The following UMOD variants were observed in gnomAD, a reference collection of about 807,000 sequenced individuals.
The protein encoded by UMOD is Tamm-Horsfall urinary glycoprotein.
Under a neutral mutation model 66.0 loss-of-function variants are expected in UMOD, and 64 were observed. The observed-to-expected ratio is 0.97, with a 90% CI of 0.79 to 1.19. The LOEUF is 1.19. UMOD is among the 50% of genes most tolerant of loss of function. UMOD has a pLI of 0.00. For synonymous variants in UMOD, 398 were observed against 352.7 expected (o/e 1.13, Z -1.44); for missense variants, 764 against 850.9 (o/e 0.90, Z 1.27).
upstream of UMOD, among the ~76,000 whole-genome samples, chr16:20,353,796 G>T (rs1008249650): frequency 2.6e-5 from 4 of 151,826 alleles, no homozygotes; most frequent in African/African-American, 7.3e-5. Flanking sequence ...TAGGGTACAA[G>T]TGCACAACGT....
At chr16:20,333,843 G>A (rs1377516376) in intron 10 of UMOD, among the ~76,000 whole-genome samples, 1 of 152,098 alleles carries the variant, frequency 6.6e-6, no homozygotes, top group Non-Finnish European at 1.5e-5. Flanking sequence ...AGACCAGCCT[G>A]GCCACACGGA....
chr16:20,347,428 T>A (rs1245693012), intron 4 of UMOD, among the ~76,000 whole-genome samples: 1 of 152,238 alleles, frequency 6.6e-6, no homozygotes, highest in East Asian at 1.9e-4. Context: ...ATTGAAGTAT[T>A]TTTCTAATTT....
rs772943401 is a variant in UMOD, at chr16:20,348,740, G to A, written c.561C>T (p.Thr187=). 88 of 1,544,726 alleles carry A rather than the reference G, an allele frequency of 5.7e-5. 3 individuals carry two copies. The South Asian group carries it at 9.2e-4, about 16-fold the overall frequency. The change falls in exon 3 of 11, where the codon ACC becomes ACT. Residue 187 remains threonine, a synonymous_variant. Transcript: ENST00000396138. ...HRTLDEYWRS[T]EYGEGYACDT... ...CGCAGGCGTAGCCCTCCCCGTACTC[G>A]GTGCTGCGCCAGTACTCGTCCAGGG... is the stretch of plus-strand genomic sequence containing the variant.
chr16:20,348,414 C>A, intron 3 of UMOD, 22 bp downstream of exon 3: 2 of 1,614,112 alleles, frequency 1.2e-6, no homozygotes, highest in Non-Finnish European at 1.7e-6. Flanking sequence ...GGGATGAGGA[C>A]TGTGGGGAGA....
chr16:20,336,645 C>T lies in UMOD; in HGVS notation c.1822+1G>A. 6.2e-7 allele frequency: 1 copy of T among 1,613,892 alleles called. No individual in the cohort carries two copies. Among genetic ancestry groups the T allele is most frequent in the Non-Finnish European group, 8.5e-7 (1 of 1,179,794 alleles). On this transcript the variant is annotated splice_donor_variant, in intron 9 of 10. Coordinates refer to ENST00000396138, the MANE Select transcript of UMOD (RefSeq NM_003361.4). LOFTEE classifies it high-confidence loss of function. ...TGTTGAGGAGCGAGTGGCTCTCTTA[C>T]CTTTCCGTGTGATGGGACCCAAGTT...
chr16:20,333,282 C>T lies in UMOD; in HGVS notation c.*32G>A. On this transcript the variant is annotated 3_prime_UTR_variant, in exon 11 of 11. Transcript: ENST00000396138. ...CCCTGCCCAGCAGGAGGTGAGATGGCAGCCATGGAGCACAGGGCTTTCCGC... is the reference window on the plus strand; with the variant it reads ...CCCTGCCCAGCAGGAGGTGAGATGGTAGCCATGGAGCACAGGGCTTTCCGC... 6.2e-7 allele frequency: 1 copy of T among 1,605,854 alleles called. No individual in the cohort carries two copies. The highest frequency in any genetic ancestry group is 8.5e-7 in the Non-Finnish European group (1 of 1,175,094).
intron 9 of UMOD, among the ~76,000 whole-genome samples, chr16:20,336,256 C>T (rs539102492): frequency 4.6e-5 from 7 of 152,310 alleles, no homozygotes; most frequent in African/African-American, 1.4e-4. Flanking sequence ...CACTGATTCA[C>T]AAGCTCCATG....
At chr16:20,354,779 C>A (rs1470452537), upstream of UMOD, among the ~76,000 whole-genome samples, 3 of 152,206 alleles carry the variant, frequency 2.0e-5, no homozygotes, top group Non-Finnish European at 4.4e-5. Context: ...CATGGAGGGA[C>A]TGCCCCTCCC....
chr16:20,348,782 C>T lies in UMOD; in HGVS notation c.519G>A (p.Pro173=). ...CGTCCAGGGTGCGGTGCGCCTGGCACGGATCCGCGCACACGAGCGCGTCGC... is the reference window on the plus strand; with the variant it reads ...CGTCCAGGGTGCGGTGCGCCTGGCATGGATCCGCGCACACGAGCGCGTCGC... ...PEGDALVCAD[P]CQAHRTLDEY... Residue 173 remains proline (P), a synonymous_variant, in exon 3 of 11, where the codon CCG becomes CCA. Coordinates refer to ENST00000396138, the MANE Select transcript of UMOD (RefSeq NM_003361.4). 1 of 1,543,736 alleles carries T rather than the reference C, an allele frequency of 6.5e-7. No homozygotes were observed.
rs747819416 is a variant in UMOD at position 20,341,294 on chromosome 16, C to A, written c.1374G>T (p.Val458=). Residue 458 remains valine, a synonymous_variant, in exon 7 of 11, where the codon GTG becomes GTT. Transcript: ENST00000396138. ...IRVGGTGMFT[V]RMALFQTPSY... is the part of the protein sequence containing the mutation. Reference sequence around the variant, plus strand: ...AAGGGGTCTGGAAGAGCGCCATCCGCACGGTGAACATGCCGGTCCCGCCCA... The same window carrying A: ...AAGGGGTCTGGAAGAGCGCCATCCGAACGGTGAACATGCCGGTCCCGCCCA... The A allele has an allele frequency of 6.2e-7, 1 of 1,613,984 alleles. No individual in the cohort carries two copies. Among genetic ancestry groups the A allele is most frequent in the Non-Finnish European group, 8.5e-7 (1 of 1,180,010 alleles).
At chr16:20,340,855 C>A (rs1472773338) in intron 7 of UMOD, among the ~76,000 whole-genome samples, 1 of 151,912 alleles carries the variant, frequency 6.6e-6, no homozygotes, top group Non-Finnish European at 1.5e-5. Flanking sequence ...TTAGCCAGGC[C>A]TGCTGGCCTC....
At position 20,348,768 on chromosome 16, in the gene UMOD, C is replaced by T; in HGVS notation, c.533G>A (p.Arg178His). 6.5e-7 allele frequency: 1 copy of T among 1,543,568 alleles called. No individual in the cohort carries two copies. Among genetic ancestry groups the T allele is most frequent in the Non-Finnish European group, 8.7e-7 (1 of 1,145,654 alleles). Residue 178 changes from arginine (R) to histidine (H), a missense_variant, in exon 3 of 11, where the codon CGC becomes CAC. Coordinates refer to ENST00000396138, the MANE Select transcript of UMOD (RefSeq NM_003361.4). ...LVCADPCQAHRTLDEYWRSTE... is the reference protein window; with the variant it reads ...LVCADPCQAHHTLDEYWRSTE... ...GCTGCGCCAGTACTCGTCCAGGGTG[C>T]GGTGCGCCTGGCACGGATCCGCGCA...
chr16:20,339,647 G>T (rs576429146), intron 7 of UMOD, among the ~76,000 whole-genome samples: 7 of 152,182 alleles, frequency 4.6e-5, no homozygotes, highest in Non-Finnish European at 8.8e-5. Context: ...TGTCTCTCAG[G>T]AATGCTTTTT....
rs749912886 is a variant in UMOD, at chr16:20,350,692, A to G, written c.46T>C (p.Ser16Pro). ...GTGGCTGCAGTTGTGATGAACCAAGAGGCCACCACCACCATCAGCATCCAA... is the reference window on the plus strand; with the variant it reads ...GTGGCTGCAGTTGTGATGAACCAAGGGGCCACCACCACCATCAGCATCCAA... ...LTWMLMVVVA[S>P]WFITTAATDT... is the part of the protein sequence containing the mutation. The change falls in exon 2 of 11, where the codon TCT (serine) becomes CCT (proline). Residue 16 changes from serine to proline, a missense_variant. Coordinates refer to ENST00000396138, the MANE Select transcript of UMOD (RefSeq NM_003361.4). 4 of 1,614,152 alleles carry G rather than the reference A, an allele frequency of 2.5e-6. No individual in the cohort carries two copies. Among genetic ancestry groups the G allele is most frequent in the South Asian group, 2.2e-5 (2 of 91,078 alleles).
chr16:20,341,273 G>A lies in UMOD; in HGVS notation c.1395C>T (p.Thr465=), dbSNP rs1293135261. 1 of 1,614,086 alleles carries A rather than the reference G, an allele frequency of 6.2e-7. No homozygotes were observed. Among genetic ancestry groups the A allele is most frequent in the South Asian group, 1.1e-5 (1 of 91,080 alleles). ...MFTVRMALFQ[T]PSYTQPYQGS... is the part of the protein sequence containing the mutation. ...CTTGGTAGGGCTGCGTGTAGGAAGG[G>A]GTCTGGAAGAGCGCCATCCGCACGG... Residue 465 remains threonine (T), a synonymous_variant, in exon 7 of 11, where the codon ACC becomes ACT. Coordinates refer to ENST00000396138, the MANE Select transcript of UMOD (RefSeq NM_003361.4).
At chr16:20,334,082 A>G (rs1964747422) in intron 10 of UMOD, among the ~76,000 whole-genome samples, 1 of 149,158 alleles carries the variant, frequency 6.7e-6, no homozygotes, top group Non-Finnish European at 1.5e-5. Flanking sequence ...ACCTCCTTGG[A>G]TCCAGGTACC....
intron 1 of UMOD, 21 bp downstream of exon 1, chr16:20,352,668 G>T: frequency 8.1e-7 from 1 of 1,231,600 alleles, no homozygotes; most frequent in Non-Finnish European, 1.0e-6. Flanking sequence ...GCTAGGAGAA[G>T]ACAGCTACAG....
chr16:20,347,990 G>A (rs1211452235), intron 4 of UMOD, among the ~76,000 whole-genome samples: 1 of 152,200 alleles, frequency 6.6e-6, no homozygotes, highest in Non-Finnish European at 1.5e-5. Context: ...TGGGTGCGAG[G>A]AGGTCCCCAA....
rs1484493616 is a variant in UMOD at position 20,335,505 on chromosome 16, A to G, written c.1838T>C (p.Val613Ala). 1.2e-6 allele frequency: 2 copies of G among 1,614,164 alleles called. No individual in the cohort carries two copies. Among genetic ancestry groups the G allele is most frequent in the Non-Finnish European group, 1.7e-6 (2 of 1,179,990 alleles). The change falls in exon 10 of 11, where the codon GTC becomes GCC. Residue 613 changes from valine to alanine, a missense_variant. By Grantham distance (64) the Val-to-Ala change is moderately conservative (BLOSUM62 0). Transcript: ENST00000396138. ...ACCCAAGCTGCTAAAAGCCCTTGAG[A>G]CTGTGGCCTGGACACCTTTGGAGGA... ...PITRKGVQATVSRAFSSLGLL... is the reference protein window; with the variant it reads ...PITRKGVQATASRAFSSLGLL...
Sources: gnomAD v4.1 joint callset for allele counts (sites outside exome capture counted in the v4.1 genomes callset) on GRCh38, gnomAD v4.1.1 for gene constraint, MANE v1.5 for transcripts, NCBI Gene and HGNC (gene_info 2026-07-23, HGNC 2026-07-21) for gene names.